Variants in EGFLAM observed in about 807,000 individuals in gnomAD.
EGFLAM encodes the protein pikachurin.
A neutral mutation model predicts 113.1 loss-of-function variants in EGFLAM; 79 were observed. The ratio of observed to expected loss-of-function variants is 0.70; its 90% CI spans 0.58 to 0.84. The LOEUF (loss-of-function observed/expected upper bound fraction) is 0.84. EGFLAM is among the 40% of genes least tolerant of loss of function. The pLI, the probability that EGFLAM is intolerant of heterozygous loss-of-function variation, is 0.00. For synonymous variants in EGFLAM, 504 were observed against 487.6 expected, an observed-to-expected ratio of 1.03 and a Z score of -0.44; for missense variants, 1,265 against 1,291.6, an observed-to-expected ratio of 0.98 and a Z score of 0.32.
intron 6 of EGFLAM, among the ~76,000 whole-genome samples, chr5:38,390,800 T>A (rs1740788100): frequency 6.6e-6 from 1 of 152,160 alleles, no homozygotes; most frequent in African/African-American, 2.4e-5. Context: ...GTTTATATGC[T>A]TTGTCCATTT....
In EGFLAM at chr5:38,418,456, A is replaced by G. The variant is rs933951970; in HGVS notation, c.1684+201A>G. On this transcript the variant is annotated intron_variant, in intron 12 of 21. Transcript: ENST00000322350. ...CATGCTGCTGACCCCGCATCTGAAC[A>G]CCAAGATATGGTAACAGTATGGTGC... 8.5e-5 allele frequency among the ~76,000 whole-genome samples: 13 copies of G among 152,166 alleles called. No individual in the cohort carries two copies. In the East Asian group the frequency reaches 2.5e-3, roughly 29 times the overall value.
rs1385541187 is a variant in EGFLAM, at chr5:38,458,387, G to A, written c.2764G>A (p.Ala922Thr). ...FNDGRWHRVK[A>T]VRDGQSGKIT... is the part of the protein sequence containing the mutation. ...CGATGGTCGGTGGCACCGAGTTAAG[G>A]CCGTTAGGTGAGTCCCTCCCGCAGC... Residue 922 changes from alanine to threonine, a missense_variant, in exon 20 of 22, where the codon GCC becomes ACC. Transcript: ENST00000322350. 2.5e-6 allele frequency: 4 copies of A among 1,613,978 alleles called. No individual in the cohort carries two copies. The highest frequency in any genetic ancestry group is 3.4e-6 in the Non-Finnish European group (4 of 1,179,936).
rs774334386 is a variant in EGFLAM, at chr5:38,435,157, G to T, written c.2187G>T (p.Lys729Asn). ...GMAEGGFTQI[K>N]CNTDIFIGGV... ...GGCAGGGAGGCTTCACACAGATTAAGTGCAACACAGACATTTTCATTGGCG... is the reference window on the plus strand; with the variant it reads ...GGCAGGGAGGCTTCACACAGATTAATTGCAACACAGACATTTTCATTGGCG... Residue 729 changes from lysine to asparagine, a missense_variant, in exon 16 of 22, where the codon AAG becomes AAT. Transcript: ENST00000322350. 1.1e-5 allele frequency: 17 copies of T among 1,614,056 alleles called. No individual in the cohort carries two copies. Among genetic ancestry groups the T allele is most frequent in the Non-Finnish European group, 1.4e-5 (17 of 1,180,024 alleles).
intron 11 of EGFLAM, among the ~76,000 whole-genome samples, chr5:38,413,185 A>ATTTTTTTTTTTTTTTTTTT (rs34326457): frequency 9.9e-6 from 1 of 100,882 alleles, no homozygotes. Context: ...TGCCTGGCTA[A>ATTTTTTTTTTTTTTTTTTT]TTTTTTTTTT....
chr5:38,305,380 A>G, intron 1 of EGFLAM: 1 of 419,132 alleles, frequency 2.4e-6, no homozygotes, highest in Middle Eastern at 3.4e-4. Context: ...ACTATCAATG[A>G]AGGATGATAG....
At chr5:38,302,885 G>A (rs922380881) in intron 1 of EGFLAM, among the ~76,000 whole-genome samples, 5 of 152,088 alleles carry the variant, frequency 3.3e-5, no homozygotes, top group Non-Finnish European at 7.3e-5. Flanking sequence ...TCTGAGTGAG[G>A]ATTTCATGAG....
At chr5:38,440,282 A>G (rs904359485) in intron 17 of EGFLAM, among the ~76,000 whole-genome samples, 1 of 152,220 alleles carries the variant, frequency 6.6e-6, no homozygotes, top group African/African-American at 2.4e-5. Flanking sequence ...TTTGAAATCA[A>G]GATACTGCTT....
chr5:38,446,863 GA>G (rs34286197), intron 17 of EGFLAM, among the ~76,000 whole-genome samples: 15,642 of 152,024 alleles, frequency 0.1, 872 homozygotes, highest in Non-Finnish European at 0.12. Flanking sequence ...TTTTATGTTT[GA>G]AGGTTAATCT....
Position 38,337,555 on chromosome 5 carries a change from G to A in EGFLAM, c.133G>A (p.Ala45Thr), listed in dbSNP as rs1417221355. The change falls in exon 2 of 22, where the codon GCA becomes ACA. Residue 45 changes from alanine to threonine, a missense_variant. Physicochemically the swap from Ala to Thr is moderately conservative, Grantham distance 58. Coordinates refer to ENST00000322350, the MANE Select transcript of EGFLAM (RefSeq NM_152403.4). ...VGPPLDIKLG[A>T]LNCTAFSIQW... ...GCCTCCTCTTGACATCAAGCTGGGC[G>A]CATTGAACTGTACGGCTTTCAGCAT... 6.2e-6 allele frequency: 10 copies of A among 1,605,716 alleles called. No homozygotes were observed. In the East Asian group the frequency reaches 6.7e-5, roughly 11 times the overall value.
intron 3 of EGFLAM, among the ~76,000 whole-genome samples, chr5:38,342,661 T>G (rs1182611433): frequency 6.6e-6 from 1 of 152,162 alleles, no homozygotes; most frequent in Non-Finnish European, 1.5e-5. Flanking sequence ...GAAAACAGAA[T>G]AGTAAAACAA....
rs13187547 is a variant in EGFLAM at position 38,285,601 on chromosome 5, A to C, written c.97+26750A>C. 13,482 of 152,246 alleles carry C rather than the reference A, an allele frequency of 0.089. 656 individuals are homozygous for C. The highest frequency in any genetic ancestry group is 0.13 in the South Asian group (634 of 4,814). 9.4% of individuals were successfully genotyped at this position (152,246 alleles called of 1,614,324 possible). ...AGGCCATTGGTCTACTCAGGAAGTA[A>C]CTTAGTGTATTAGTCCATTCTCACA... On this transcript the variant is annotated intron_variant, in intron 1 of 21. Transcript: ENST00000322350.
chr5:38,370,265 A>G (rs375240525), intron 5 of EGFLAM, 31 bp from the exon 6 acceptor site: 13 of 1,602,088 alleles, frequency 8.1e-6, no homozygotes, highest in African/African-American at 1.3e-5. Flanking sequence ...TTTCTGAACT[A>G]CTGCTTCTTC....
At chr5:38,390,831 T>A (rs181733847) in intron 6 of EGFLAM, among the ~76,000 whole-genome samples, 24 of 152,186 alleles carry the variant, frequency 1.6e-4, no homozygotes, top group Admixed American at 7.2e-4. Flanking sequence ...AATACCCATG[T>A]ATATCAATTA....
At chr5:38,279,486 A>G (rs1757964426) in intron 1 of EGFLAM, among the ~76,000 whole-genome samples, 1 of 152,244 alleles carries the variant, frequency 6.6e-6, no homozygotes, top group African/African-American at 2.4e-5. Context: ...CAACAGATGA[A>G]CAGATAAAGA....
At chr5:38,266,966 T>G (rs2111699865) in intron 1 of EGFLAM, among the ~76,000 whole-genome samples, 1 of 152,302 alleles carries the variant, frequency 6.6e-6, no homozygotes, top group Non-Finnish European at 1.5e-5. Flanking sequence ...TGATGTTTCC[T>G]CAGCTGGAAA....
At chr5:38,435,705 A>G (rs1202232076) in intron 16 of EGFLAM, among the ~76,000 whole-genome samples, 1 of 150,770 alleles carries the variant, frequency 6.6e-6, no homozygotes, top group Non-Finnish European at 1.5e-5. Context: ...GTGTTCATTG[A>G]TCATGTAACC....
intron 5 of EGFLAM, among the ~76,000 whole-genome samples, chr5:38,366,839 T>A (rs1359428487): frequency 6.6e-6 from 1 of 152,212 alleles, no homozygotes; most frequent in Non-Finnish European, 1.5e-5. Context: ...CTGAGAGTCC[T>A]CAGACACTTG....
At chr5:38,433,901 A>G (rs1027669091) in intron 15 of EGFLAM, among the ~76,000 whole-genome samples, 24 of 152,154 alleles carry the variant, frequency 1.6e-4, no homozygotes, top group Non-Finnish European at 2.9e-4. Context: ...ATTTTGGTCT[A>G]TTAATCTAAT....
chr5:38,298,174 C>T (rs1386305601), intron 1 of EGFLAM, among the ~76,000 whole-genome samples: 1 of 152,178 alleles, frequency 6.6e-6, no homozygotes, highest in Non-Finnish European at 1.5e-5. Context: ...AGGCTGGGAA[C>T]ATTTACTAGC....
Sources: gnomAD v4.1 joint callset for allele counts (sites outside exome capture counted in the v4.1 genomes callset) on GRCh38, gnomAD v4.1.1 for gene constraint, MANE v1.5 for transcripts, NCBI Gene and HGNC (gene_info 2026-07-23, HGNC 2026-07-21) for gene names.